Variants in PHC2 observed in about 807,000 individuals in gnomAD.
The protein encoded by PHC2 is polyhomeotic homolog 2, also known as polyhomeotic-like protein 2.
A neutral mutation model predicts 87.4 loss-of-function variants in PHC2; 29 were observed. The observed-to-expected ratio is 0.33, with a 90% CI of 0.25 to 0.45. The LOEUF (loss-of-function observed/expected upper bound fraction) is 0.45. PHC2 is among the 20% of genes least tolerant of loss of function. The pLI is 1.00. For missense variants in PHC2, 857 were observed against 1,136.7 expected, an observed-to-expected ratio of 0.75 and a Z score of 3.54; for synonymous variants, 438 against 461.7, an observed-to-expected ratio of 0.95 and a Z score of 0.66.
rs59280401 is a variant in PHC2 at position 33,387,888 on chromosome 1, A to G, written c.-54-12295T>C. 3.6e-3 allele frequency among the ~76,000 whole-genome samples: 543 copies of G among 152,364 alleles called. 4 individuals are homozygous for G. Among genetic ancestry groups the G allele is most frequent in the African/African-American group, 0.013 (520 of 41,588 alleles). ...GCGTCAGTCTAAGGCAAATGTGTCAACTAGAACTCTCTCAGGCCCTGCCTG... is the reference window on the plus strand; with the variant it reads ...GCGTCAGTCTAAGGCAAATGTGTCAGCTAGAACTCTCTCAGGCCCTGCCTG... On this transcript the variant is annotated intron_variant, in intron 1 of 14. Transcript: ENST00000683057.
chr1:33,351,331 C>T (rs745372403), intron 9 of PHC2, among the ~76,000 whole-genome samples: 4 of 152,096 alleles, frequency 2.6e-5, no homozygotes, highest in Admixed American at 6.6e-5. Context: ...TATTAGCTTG[C>T]GAGCTGTACG....
In PHC2 at chr1:33,332,448, C is replaced by A; in HGVS notation, c.1762-44G>T. 6.2e-7 allele frequency: 1 copy of A among 1,611,888 alleles called. No homozygotes were observed. Among genetic ancestry groups the A allele is most frequent in the East Asian group, 2.2e-5 (1 of 44,812 alleles). ...GGAGGCCGTGAGGGTCAGGTGGGAG[C>A]GGCTTCCTTGCTATCCATCCTCATC... On this transcript the variant is annotated intron_variant, in intron 10 of 14. Transcript: ENST00000683057. This position sits in a 1 kb window ranked among gnomAD's most constrained non-coding sequence, Gnocchi z 4.2.
chr1:33,379,162 G>T (rs973406889), intron 1 of PHC2, among the ~76,000 whole-genome samples: 2 of 151,722 alleles, frequency 1.3e-5, no homozygotes, highest in Non-Finnish European at 2.9e-5. Flanking sequence ...AGGGGAGAGA[G>T]ACTTACTGCA....
intron 14 of PHC2, chr1:33,325,855 C>G (rs1364378168): frequency 2.2e-6 from 1 of 456,416 alleles, no homozygotes; most frequent in Non-Finnish European, 4.4e-6. Flanking sequence ...TCAGAACTGG[C>G]CACAGGCAGG....
At chr1:33,344,616 T>A (rs1246002787) in intron 9 of PHC2, among the ~76,000 whole-genome samples, 1 of 152,094 alleles carries the variant, frequency 6.6e-6, no homozygotes, top group Admixed American at 6.6e-5. Context: ...TTATTTTTTA[T>A]TTTTTGAGAT....
chr1:33,425,530 A>G (rs6684564), intron 1 of PHC2, among the ~76,000 whole-genome samples: 31,905 of 152,220 alleles, frequency 0.21, 5,669 homozygotes, highest in African/African-American at 0.49. Flanking sequence ...AATGTGGTAA[A>G]TGCTATAATG....
chr1:33,345,747 T>C (rs1249080015), intron 9 of PHC2: 23 of 984,792 alleles, frequency 2.3e-5, no homozygotes, highest in Non-Finnish European at 1.2e-5. Context: ...TAATTATGTC[T>C]TGGATATGCA....
chr1:33,386,830 GCA>G (rs1648783838), intron 1 of PHC2, among the ~76,000 whole-genome samples: 1 of 151,898 alleles, frequency 6.6e-6, no homozygotes. Context: ...CACATACAAA[GCA>G]CACACACAGC....
chr1:33,354,957 G>C lies in PHC2; in HGVS notation c.1273C>G (p.Pro425Ala). Residue 425 changes from proline to alanine, a missense_variant, in exon 8 of 15, where the codon CCT (proline) becomes GCT (alanine). By Grantham distance (27) the Pro-to-Ala change is conservative (BLOSUM62 -1). Around this residue, in one of 3 missense-constraint regions of PHC2, gnomAD observed 832 missense variants for 1,081.8 expected, o/e 0.77. Transcript: ENST00000683057. ...HKPGGSQQCH[P>A]PTPDTGPQNG... ...TGAGGCCCAGTATCAGGTGTGGGAG[G>C]GTGACACTGCTGACTGCCGCCAGGC... 6.2e-7 allele frequency: 1 copy of C among 1,614,198 alleles called. No individual in the cohort carries two copies. The highest frequency in any genetic ancestry group is 8.5e-7 in the Non-Finnish European group (1 of 1,180,042).
intron 1 of PHC2, among the ~76,000 whole-genome samples, chr1:33,400,417 A>G (rs2148375032): frequency 6.6e-6 from 1 of 152,386 alleles, no homozygotes; most frequent in East Asian, 1.9e-4. Context: ...GAGTAATAAT[A>G]GCAGCAAAGG....
chr1:33,356,249 T>TTATATATATATGTATATA (rs1647068719), intron 7 of PHC2, among the ~76,000 whole-genome samples: 2 of 101,534 alleles, frequency 2.0e-5, no homozygotes, highest in African/African-American at 3.2e-5. Flanking sequence ...GTGAAAATTC[T>TTATATATATATGTATATA]TATATATATA....
At chr1:33,415,255 A>G (rs528749576) in intron 1 of PHC2, among the ~76,000 whole-genome samples, 5 of 152,360 alleles carry the variant, frequency 3.3e-5, no homozygotes, top group Admixed American at 1.3e-4. Context: ...TGGTCTGCAC[A>G]TGCATGATAG....
At chr1:33,347,247 A>T in intron 9 of PHC2, 1 of 985,376 alleles carries the variant, frequency 1.0e-6, no homozygotes, top group Non-Finnish European at 1.2e-6. Context: ...CAGAGCAGGT[A>T]TGTCAGGGGA....
chr1:33,327,683 G>C (rs962736723), intron 14 of PHC2, among the ~76,000 whole-genome samples: 2 of 152,218 alleles, frequency 1.3e-5, no homozygotes, highest in Non-Finnish European at 2.9e-5. Flanking sequence ...CCTACCTGTG[G>C]GGACATCCCA....
chr1:33,408,247 G>A (rs936891608), intron 1 of PHC2, among the ~76,000 whole-genome samples: 10 of 152,084 alleles, frequency 6.6e-5, no homozygotes, highest in African/African-American at 2.4e-4. Context: ...GTCACATCAC[G>A]TCAGAATCTG....
chr1:33,384,209 C>T (rs1409930260), intron 1 of PHC2, among the ~76,000 whole-genome samples: 1 of 152,246 alleles, frequency 6.6e-6, no homozygotes, highest in Non-Finnish European at 1.5e-5. Context: ...AATTTTCAGG[C>T]ACCACTTCAG....
rs1206552235 is a variant in PHC2, at chr1:33,382,883, G to A, written c.-54-7290C>T. 6.6e-6 allele frequency among the ~76,000 whole-genome samples: 1 copy of A among 152,160 alleles called. No homozygotes were observed. Among genetic ancestry groups the A allele is most frequent in the Non-Finnish European group, 1.5e-5 (1 of 68,034 alleles). On this transcript the variant is annotated intron_variant, in intron 1 of 14. Transcript: ENST00000683057. This position sits in a 1 kb window ranked among gnomAD's most constrained non-coding sequence, Gnocchi z 4.3. ...GAGGTTCCGGGAAAGCAGAGGGGAA[G>A]GATACTGAAAACCTCTCTCCAAATC...
intron 1 of PHC2, among the ~76,000 whole-genome samples, chr1:33,408,602 A>G (rs1649860491): frequency 6.6e-6 from 1 of 152,142 alleles, no homozygotes; most frequent in Non-Finnish European, 1.5e-5. Flanking sequence ...CTGGGACTAC[A>G]GGCATGTGCC....
chr1:33,339,495 A>C (rs563202367), intron 9 of PHC2, among the ~76,000 whole-genome samples: 1 of 152,248 alleles, frequency 6.6e-6, no homozygotes, highest in Middle Eastern at 3.4e-3. Flanking sequence ...CCTCAACAGA[A>C]AAGAGGTACA....
Sources: gnomAD v4.1 joint callset for allele counts (sites outside exome capture counted in the v4.1 genomes callset) on GRCh38, gnomAD v4.1.1 for gene constraint, gnomAD v4.1.1 regional missense constraint, Gnocchi (gnomAD v3.1) non-coding constraint, MANE v1.5 for transcripts, NCBI Gene and HGNC (gene_info 2026-07-23, HGNC 2026-07-21) for gene names.